Variants in SEPTIN9 observed in about 807,000 individuals in gnomAD.
SEPTIN9 encodes septin-9.
In SEPTIN9, 13 loss-of-function variants were observed where a neutral mutation model predicts 56.6. The observed-to-expected ratio is 0.23, with a 90% CI of 0.15 to 0.37. SEPTIN9 has a LOEUF of 0.37. SEPTIN9 is among the 10% of genes least tolerant of loss of function. SEPTIN9 has a pLI of 1.00. For missense variants in SEPTIN9, 650 were observed against 823.1 expected (o/e 0.79, Z 2.57); for synonymous variants, 332 against 334.1 (o/e 0.99, Z 0.07).
rs1345769679 is a variant in SEPTIN9, at chr17:77,499,062, C to T, written c.*404C>T. ...GCAGAGGAGCCCAGTGGGCTGCACG[C>T]TCCCCTCCATCCCCATCGGCCCTGT... On this transcript the variant is annotated 3_prime_UTR_variant, in exon 12 of 12. Transcript: ENST00000427177. 3.7e-6 allele frequency: 2 copies of T among 536,922 alleles called. No homozygotes were observed. The highest frequency in any genetic ancestry group is 2.2e-5 in the Admixed American group (1 of 45,044). The allele number at this position is 536,922 out of a possible 1,614,324, so 33.3% of individuals were successfully genotyped here. A position where few individuals can be genotyped will look rare whatever the true frequency, so the allele number is the denominator to read the frequency against.
chr17:77,301,987 CTG>C (rs2032073454), intron 1 of SEPTIN9, among the ~76,000 whole-genome samples: 1 of 152,268 alleles, frequency 6.6e-6, no homozygotes, highest in South Asian at 2.1e-4. Flanking sequence ...TTTGGAGTGG[CTG>C]TCTTACATCA....
chr17:77,487,609 GGGGTTGGGGGTC>G lies in SEPTIN9; in HGVS notation c.1042+58_1042+69del. On this transcript the variant is annotated intron_variant, in intron 5 of 11. Coordinates refer to ENST00000427177, the MANE Select transcript of SEPTIN9 (RefSeq NM_001113491.2). The surrounding 1 kb of genome is among the most constrained non-coding windows in gnomAD (Gnocchi z 4.3). ...GACGCCCCTGCCTTCCTGGAGCACA[GGGGTTGGGGGTC>G]AAGACCATCACACACAGTCAGTGGC... 11 of 1,528,114 alleles carry G rather than the reference GGGGTTGGGGGTC, an allele frequency of 7.2e-6. No individual in the cohort carries two copies. In the African/African-American group the frequency reaches 1.9e-4, roughly 26 times the overall value. The allele number at this position is 1,528,114 out of a possible 1,614,324, so 94.7% of individuals were successfully genotyped here. A position where few individuals can be genotyped will look rare whatever the true frequency, so the allele number is the denominator to read the frequency against.
Position 77,480,847 on chromosome 17 carries a change from C to T in SEPTIN9, c.722-1297C>T, listed in dbSNP as rs543120588. 2.6e-5 allele frequency among the ~76,000 whole-genome samples: 4 copies of T among 152,282 alleles called. No individual in the cohort carries two copies. The South Asian group carries it at 6.2e-4, about 24-fold the overall frequency. The stretch of plus-strand genomic sequence containing the variant: ...AGGCAGGATGGGGCAAAAGTCTCCC[C>T]GCAGGCAGAGCAGGGCCTGGATGGG... On this transcript the variant is annotated intron_variant, in intron 3 of 11. Transcript: ENST00000427177.
At chr17:77,314,095 G>A (rs2032607848) in intron 2 of SEPTIN9, among the ~76,000 whole-genome samples, 1 of 152,064 alleles carries the variant, frequency 6.6e-6, no homozygotes, top group Non-Finnish European at 1.5e-5. Flanking sequence ...CAGCTACCCG[G>A]GAAGCTGAGG....
In SEPTIN9 at chr17:77,319,963, G is replaced by A. The variant is rs368195652; in HGVS notation, c.76+12766G>A. 6.8e-6 allele frequency: 8 copies of A among 1,180,326 alleles called. No individual in the cohort carries two copies. The highest frequency in any genetic ancestry group is 8.0e-5 in the East Asian group (2 of 25,060). The allele number at this position is 1,180,326 out of a possible 1,614,324, so 73.1% of individuals were successfully genotyped here. A position where few individuals can be genotyped will look rare whatever the true frequency, so the allele number is the denominator to read the frequency against. ...GCCACCGACCAGACCGGGCGGCCGGGACTCTGGGACTCTCGCAGGCAGACC... is the reference window on the plus strand; with the variant it reads ...GCCACCGACCAGACCGGGCGGCCGGAACTCTGGGACTCTCGCAGGCAGACC... On this transcript the variant is annotated intron_variant, in intron 2 of 11. Coordinates refer to ENST00000427177, the MANE Select transcript of SEPTIN9 (RefSeq NM_001113491.2). This position sits in a 1 kb window ranked among gnomAD's most constrained non-coding sequence, Gnocchi z 5.3.
At chr17:77,488,977 C>A in intron 7 of SEPTIN9, 113 bp downstream of exon 7, 1 of 1,386,372 alleles carries the variant, frequency 7.2e-7, no homozygotes, top group South Asian at 1.3e-5. Context: ...GGGGCTGAGT[C>A]AGGGGCCATG....
Position 77,451,301 on chromosome 17 carries a change from CCCCCTCCTCCTGCT to C in SEPTIN9, c.722-30836_722-30823del, listed in dbSNP as rs1461805454. On this transcript the variant is annotated intron_variant, in intron 3 of 11. Transcript: ENST00000427177. This position sits in a 1 kb window ranked among gnomAD's most constrained non-coding sequence, Gnocchi z 4.2. ...CGCTGGGCGCCCCTATCTCTGCCTG[CCCCCTCCTCCTGCT>C]CCCCTCGCCCTGCCCCCTTGGAGCA... 1.1e-6 allele frequency: 1 copy of C among 925,392 alleles called. No individual in the cohort carries two copies. The highest frequency in any genetic ancestry group is 6.2e-5 in the Admixed American group (1 of 16,244). The allele number at this position is 925,392 out of a possible 1,614,324, so 57.3% of individuals were successfully genotyped here. A position where few individuals can be genotyped will look rare whatever the true frequency, so the allele number is the denominator to read the frequency against.
In SEPTIN9 at chr17:77,490,710, A is replaced by C. The variant is rs763830067; in HGVS notation, c.1263-32A>C. The C allele has an allele frequency of 2.0e-6, 3 of 1,493,648 alleles. No homozygotes were observed. In the African/African-American group the frequency reaches 4.2e-5, roughly 21 times the overall value. The allele number at this position is 1,493,648 out of a possible 1,614,324, so 92.5% of individuals were successfully genotyped here. The stretch of plus-strand genomic sequence containing the variant: ...TGCCCCCCCACTGCCCCGCTCCCCC[A>C]GATGAGCCTCACGCACATCCCTCTG... On this transcript the variant is annotated intron_variant, in intron 7 of 11. Coordinates refer to ENST00000427177, the MANE Select transcript of SEPTIN9 (RefSeq NM_001113491.2).
rs1427410006 is a variant in SEPTIN9 at position 77,475,677 on chromosome 17, C to G, written c.722-6467C>G. The stretch of plus-strand genomic sequence containing the variant: ...GGCAAAGTAAGGAGACTGCTGGGCC[C>G]ACGCTGGGCCGGGGTGGATGGAGGC... On this transcript the variant is annotated intron_variant, in intron 3 of 11. Coordinates refer to ENST00000427177, the MANE Select transcript of SEPTIN9 (RefSeq NM_001113491.2). The surrounding 1 kb of genome is among the most constrained non-coding windows in gnomAD (Gnocchi z 4.6). 1 of 1,613,732 alleles carries G rather than the reference C, an allele frequency of 6.2e-7. No homozygotes were observed. Among genetic ancestry groups the G allele is most frequent in the Admixed American group, 1.7e-5 (1 of 60,024 alleles).
Position 77,313,614 on chromosome 17 carries a change from C to T in SEPTIN9, c.76+6417C>T, listed in dbSNP as rs1234087476. 6.6e-6 allele frequency among the ~76,000 whole-genome samples: 1 copy of T among 152,050 alleles called. No homozygotes were observed. Among genetic ancestry groups the T allele is most frequent in the Non-Finnish European group, 1.5e-5 (1 of 67,996 alleles). On this transcript the variant is annotated intron_variant, in intron 2 of 11. Coordinates refer to ENST00000427177, the MANE Select transcript of SEPTIN9 (RefSeq NM_001113491.2). The surrounding 1 kb of genome is among the most constrained non-coding windows in gnomAD (Gnocchi z 4.5). ...TCTTGGCTGGCTCTGCTGGCAGGTA[C>T]AGTAGCAGGGTCAGCAGGAGGGAGT...
At chr17:77,470,547 C>T (rs2038952201) in intron 3 of SEPTIN9, among the ~76,000 whole-genome samples, 1 of 152,158 alleles carries the variant, frequency 6.6e-6, no homozygotes, top group Non-Finnish European at 1.5e-5. Context: ...TCCACCAATT[C>T]ACTCATCCAC....
chr17:77,337,604 A>C (rs1437046075), intron 2 of SEPTIN9, among the ~76,000 whole-genome samples: 1 of 152,186 alleles, frequency 6.6e-6, no homozygotes, highest in African/African-American at 2.4e-5. Flanking sequence ...GATAGAATCC[A>C]CCAAGAAAAC....
In SEPTIN9 at chr17:77,360,915, CTTTTTTTTT is replaced by C. The variant is rs34718935; in HGVS notation, c.77-41129_77-41121del. Among the ~76,000 whole-genome samples, 9 of 76,798 alleles carry C rather than the reference CTTTTTTTTT, an allele frequency of 1.2e-4. No individual in the cohort carries two copies. In the East Asian group the frequency reaches 3.2e-3, roughly 28 times the overall value. The allele number at this position is 76,798 out of a possible 152,430, so 50.4% of individuals were successfully genotyped here. A position where few individuals can be genotyped will look rare whatever the true frequency, so the allele number is the denominator to read the frequency against. Reference sequence around the variant, plus strand: ...GTTTCAGCCTTGTTTGTCTTTCATCCTTTTTTTTTTTTTTTTTTTTTTTGAGACGGGGTC... The same window carrying C: ...GTTTCAGCCTTGTTTGTCTTTCATCCTTTTTTTTTTTTTTGAGACGGGGTC... On this transcript the variant is annotated intron_variant, in intron 2 of 11. Coordinates refer to ENST00000427177, the MANE Select transcript of SEPTIN9 (RefSeq NM_001113491.2).
chr17:77,402,398 G>T lies in SEPTIN9; in HGVS notation c.416G>T (p.Gly139Val), dbSNP rs1242456083. The change falls in exon 3 of 12, where the codon GGC becomes GTC. Residue 139 changes from glycine to valine, a missense_variant. This residue lies in a region of SEPTIN9 where 317 missense variants were observed against 329.1 expected (regional missense o/e 0.96). Coordinates refer to ENST00000427177, the MANE Select transcript of SEPTIN9 (RefSeq NM_001113491.2). The surrounding 1 kb of genome is among the most constrained non-coding windows in gnomAD (Gnocchi z 6.6). ...GGGCTCAAGAGGGCCGAGGTGTTGG[G>T]CCACAAGACGCCAGAACCGGCCCCT... ...RFGLKRAEVLGHKTPEPAPRR... is the reference protein window; with the variant it reads ...RFGLKRAEVLVHKTPEPAPRR... 1 of 1,611,208 alleles carries T rather than the reference G, an allele frequency of 6.2e-7. No homozygotes were observed. Among genetic ancestry groups the T allele is most frequent in the South Asian group, 1.1e-5 (1 of 90,776 alleles).
chr17:77,400,805 GC>G lies in SEPTIN9; in HGVS notation c.77-1252del, dbSNP rs1267673681. 2 of 152,760 alleles carry G rather than the reference GC, an allele frequency of 1.3e-5. No homozygotes were observed. Among genetic ancestry groups the G allele is most frequent in the Non-Finnish European group, 2.9e-5 (2 of 68,506 alleles). 9.5% of individuals were successfully genotyped at this position (152,760 alleles called of 1,614,324 possible). A position where few individuals can be genotyped will look rare whatever the true frequency, so the allele number is the denominator to read the frequency against. On this transcript the variant is annotated intron_variant, in intron 2 of 11. Coordinates refer to ENST00000427177, the MANE Select transcript of SEPTIN9 (RefSeq NM_001113491.2). This position sits in a 1 kb window ranked among gnomAD's most constrained non-coding sequence, Gnocchi z 4.1. ...GCCTGGGGAAGGAGCTGGTGAATGT[GC>G]CTGCCATGTGGGTCCCTCCCTGCTC...
intron 3 of SEPTIN9, among the ~76,000 whole-genome samples, chr17:77,423,039 C>T (rs2036760614): frequency 6.6e-6 from 1 of 151,564 alleles, no homozygotes; most frequent in Non-Finnish European, 1.5e-5. Flanking sequence ...ATACCTGCAT[C>T]TTTTTTTTTC....
At chr17:77,454,677 G>A (rs1251494184) in intron 3 of SEPTIN9, among the ~76,000 whole-genome samples, 1 of 152,194 alleles carries the variant, frequency 6.6e-6, no homozygotes, top group African/African-American at 2.4e-5. Context: ...AGAGTTGGCT[G>A]TTCAAACTCG....
intron 3 of SEPTIN9, among the ~76,000 whole-genome samples, chr17:77,454,646 T>C (rs921568693): frequency 6.6e-6 from 1 of 152,198 alleles, no homozygotes; most frequent in Non-Finnish European, 1.5e-5. Flanking sequence ...AGTGGGAACC[T>C]TCCCCACCTC....
chr17:77,497,074 A>G (rs1319542766), intron 10 of SEPTIN9: 1 of 591,378 alleles, frequency 1.7e-6, no homozygotes, highest in Non-Finnish European at 3.1e-6. Context: ...TCTGGAGAGC[A>G]GGAGCTGAGC....
Sources: gnomAD v4.1 joint callset for allele counts (sites outside exome capture counted in the v4.1 genomes callset) on GRCh38, gnomAD v4.1.1 for gene constraint, gnomAD v4.1.1 regional missense constraint, Gnocchi (gnomAD v3.1) non-coding constraint, MANE v1.5 for transcripts, NCBI Gene and HGNC (gene_info 2026-07-23, HGNC 2026-07-21) for gene names.